Variants in LRBA observed in about 807,000 individuals in gnomAD.
LRBA encodes the protein lipopolysaccharide-responsive and beige-like anchor protein.
LRBA carries 176 observed loss-of-function variants against 330.0 expected under a neutral mutation model. The observed-to-expected ratio is 0.53, with a 90% CI of 0.47 to 0.60. LRBA has a LOEUF of 0.60. LRBA is among the 20% of genes least tolerant of loss of function. The pLI is 0.00. For missense variants in LRBA, 3,259 were observed against 3,444.8 expected (o/e 0.95, Z 1.35); for synonymous variants, 1,230 against 1,193.0 (o/e 1.03, Z -0.64).
At position 150,532,204 on chromosome 4, in the gene LRBA, C is replaced by T. The variant is rs555897526; in HGVS notation, c.6331-41169G>A. Among the ~76,000 whole-genome samples, 157 of 152,284 alleles carry T rather than the reference C, an allele frequency of 1.0e-3. 1 individual carries two copies. The highest frequency in any genetic ancestry group is 2.9e-3 in the African/African-American group (122 of 41,572). On this transcript the variant is annotated intron_variant, in intron 40 of 56. Coordinates refer to ENST00000651943, the MANE Select transcript of LRBA (RefSeq NM_001364905.1). Reference sequence around the variant, plus strand: ...TTTTAGCAGAAAGGTAATAATAAAACCCTCATCCATTATCCTTGTACTCAT... The same window carrying T: ...TTTTAGCAGAAAGGTAATAATAAAATCCTCATCCATTATCCTTGTACTCAT...
intron 14 of LRBA, 127 bp from the exon 15 acceptor site, chr4:150,897,945 G>A (rs1465092584): frequency 3.1e-6 from 2 of 643,950 alleles, no homozygotes; most frequent in East Asian, 5.5e-5. Context: ...GTCTCCTACA[G>A]AATGACCTTT....
chr4:150,347,046 G>A (rs1581075880), intron 48 of LRBA, among the ~76,000 whole-genome samples: 2 of 152,270 alleles, frequency 1.3e-5, no homozygotes, highest in African/African-American at 4.8e-5. Context: ...TAAAGAGAAA[G>A]GAAATTGTGA....
At chr4:150,475,406 T>A (rs1390516971) in intron 42 of LRBA, among the ~76,000 whole-genome samples, 1 of 152,188 alleles carries the variant, frequency 6.6e-6, no homozygotes, top group African/African-American at 2.4e-5. Flanking sequence ...GACAACTGGG[T>A]CTGGGCTTTT....
intron 26 of LRBA, among the ~76,000 whole-genome samples, chr4:150,848,577 A>AG (rs1750180344): frequency 6.6e-6 from 1 of 151,736 alleles, no homozygotes; most frequent in Non-Finnish European, 1.5e-5. Context: ...AAAAAAAAAA[A>AG]AAAGATAGGG....
intron 44 of LRBA, among the ~76,000 whole-genome samples, chr4:150,439,264 A>C (rs1751514364): frequency 6.6e-6 from 1 of 152,152 alleles, no homozygotes; most frequent in Non-Finnish European, 1.5e-5. Flanking sequence ...AGTAACCCCC[A>C]AAATCAATAG....
At chr4:150,844,301 G>A (rs530598832) in intron 27 of LRBA, 94 bp from the exon 28 acceptor site, 2 of 663,652 alleles carry the variant, frequency 3.0e-6, no homozygotes, top group South Asian at 6.9e-5. Context: ...CCCAGAACCA[G>A]AAAAGCAAAG....
intron 2 of LRBA, chr4:150,970,584 C>A (rs1016895776): frequency 1.1e-3 from 147 of 130,314 alleles, no homozygotes; most frequent in Non-Finnish European, 1.7e-3. Flanking sequence ...CACACACACA[C>A]ACAAAAGTAT....
At chr4:150,863,860 T>C (rs1752318381) in intron 22 of LRBA, among the ~76,000 whole-genome samples, 1 of 152,322 alleles carries the variant, frequency 6.6e-6, no homozygotes, top group South Asian at 2.1e-4. Context: ...AAAAGACTAA[T>C]CTATTCATCC....
intron 7 of LRBA, among the ~76,000 whole-genome samples, chr4:150,916,192 TC>T (rs1732562457): frequency 6.6e-6 from 1 of 152,226 alleles, no homozygotes; most frequent in African/African-American, 2.4e-5. Flanking sequence ...TACTTGTATC[TC>T]CCTTAATCTC....
chr4:151,012,272 T>C (rs1010797989), intron 2 of LRBA, among the ~76,000 whole-genome samples: 1 of 152,224 alleles, frequency 6.6e-6, no homozygotes, highest in Non-Finnish European at 1.5e-5. Context: ...AATGCTGCTA[T>C]AGAATTTGGA....
rs146209814 is a variant in LRBA, at chr4:150,667,421, T to C, written c.5921+16130A>G. ...CAGAGAAGCAGAGTCAGAGAGAAATTTGGAGATGCTATGCTGCTAGTTTTG... is the reference window on the plus strand; with the variant it reads ...CAGAGAAGCAGAGTCAGAGAGAAATCTGGAGATGCTATGCTGCTAGTTTTG... On this transcript the variant is annotated intron_variant, in intron 37 of 56. Coordinates refer to ENST00000651943, the MANE Select transcript of LRBA (RefSeq NM_001364905.1). Among the ~76,000 whole-genome samples the C allele has an allele frequency of 3.9e-5, 6 of 152,026 alleles. No homozygotes were observed. The East Asian group carries it at 5.8e-4, about 15-fold the overall frequency.
chr4:150,661,912 G>A (rs1267992000), intron 37 of LRBA, among the ~76,000 whole-genome samples: 3 of 152,020 alleles, frequency 2.0e-5, no homozygotes, highest in African/African-American at 7.3e-5. Flanking sequence ...GAGGCACCAC[G>A]CCCAGCCTCA....
intron 35 of LRBA, among the ~76,000 whole-genome samples, chr4:150,749,595 A>C (rs558487687): frequency 1.1e-4 from 17 of 148,916 alleles, no homozygotes; most frequent in South Asian, 4.3e-4. Context: ...ATCTCTACCC[A>C]AAAAAAAAAT....
chr4:150,650,301 A>G (rs1779587211), intron 37 of LRBA, among the ~76,000 whole-genome samples: 1 of 152,180 alleles, frequency 6.6e-6, no homozygotes, highest in South Asian at 2.1e-4. Context: ...ACAAAACGTA[A>G]TAAGGCATTT....
chr4:150,801,941 C>T (rs1431127820), intron 33 of LRBA, among the ~76,000 whole-genome samples: 3 of 151,574 alleles, frequency 2.0e-5, no homozygotes, highest in East Asian at 1.9e-4. Context: ...GAGGCCAAGG[C>T]GGGTGGATCA....
chr4:150,357,673 A>C (rs1325964422), intron 47 of LRBA, among the ~76,000 whole-genome samples: 2 of 150,610 alleles, frequency 1.3e-5, no homozygotes, highest in African/African-American at 2.5e-5. Flanking sequence ...TTTAAAAAAA[A>C]CCTTTAGTTT....
chr4:150,710,903 G>T (rs779557217), intron 36 of LRBA, among the ~76,000 whole-genome samples: 1 of 151,774 alleles, frequency 6.6e-6, no homozygotes, highest in African/African-American at 2.4e-5. Context: ...TTGGCTAAAG[G>T]ATACTATTAT....
In LRBA at chr4:150,844,689, C is replaced by T. The variant is rs901222845; in HGVS notation, c.4430G>A (p.Ser1477Asn). 8 of 1,613,242 alleles carry T rather than the reference C, an allele frequency of 5.0e-6. No individual in the cohort carries two copies. In the African/African-American group the frequency reaches 6.7e-5, roughly 13 times the overall value. Residue 1477 changes from serine to asparagine, a missense_variant, in exon 27 of 57, where the codon AGC (serine) becomes AAC (asparagine). Coordinates refer to ENST00000651943, the MANE Select transcript of LRBA (RefSeq NM_001364905.1). ...TGCAGATTTCCCTAAAGGAATAAGG[C>T]TATGCATTGGTTTCAAGGCTTTATC... ...RGDKALKPMH[S>N]LIPLGKSAAK... is the part of the protein sequence containing the mutation.
intron 40 of LRBA, among the ~76,000 whole-genome samples, chr4:150,501,615 G>C (rs913422396): frequency 6.6e-6 from 1 of 151,156 alleles, no homozygotes; most frequent in Admixed American, 6.6e-5. Context: ...AAAAAAAAAA[G>C]GTATCTACAA....
Sources: allele counts gnomAD v4.1 joint callset (sites outside exome capture counted in the v4.1 genomes callset), GRCh38; gene constraint gnomAD v4.1.1; transcripts MANE v1.5; gene names NCBI Gene and HGNC (gene_info 2026-07-23, HGNC 2026-07-21).